The following KBTBD2 variants were observed in gnomAD, a reference collection of about 807,000 sequenced individuals.
KBTBD2 encodes kelch repeat and BTB domain-containing protein 2.
KBTBD2 carries 17 observed loss-of-function variants against 57.1 expected under a neutral mutation model. The observed-to-expected ratio is 0.30, with a 90% CI of 0.20 to 0.45. The LOEUF (loss-of-function observed/expected upper bound fraction) is 0.45, where lower values mean the gene tolerates loss of function less well. Ranked by LOEUF, KBTBD2 falls within the 20% of genes least tolerant of loss-of-function variation. The probability of loss-of-function intolerance (pLI) is 1.00; values close to 1 mark genes in which losing one functional copy is unlikely to be tolerated. For synonymous variants in KBTBD2, 267 were observed against 262.7 expected (o/e 1.02, Z -0.16); for missense variants, 515 against 750.6 (o/e 0.69, Z 3.67).
chr7:32,879,332 A>G (rs771281288), intron 2 of KBTBD2, 103 bp downstream of exon 2: 3 of 768,278 alleles, frequency 3.9e-6, no homozygotes, highest in Non-Finnish European at 6.2e-6. Context: ...TCATCTGAAT[A>G]GAAACCTTAA....
At chr7:32,884,998 A>ATG (rs761792649) in intron 1 of KBTBD2, among the ~76,000 whole-genome samples, 2,482 of 79,116 alleles carry the variant, frequency 0.031, 56 homozygotes, top group South Asian at 0.055. Context: ...ATACACATAT[A>ATG]TGTGTATATA....
Position 32,868,851 on chromosome 7 carries a change from CTAGAG to C in KBTBD2, c.*489_*493del, listed in dbSNP as rs1784092630. ...TAAAATTATGGAAGATCTTCCTCAACTAGAGTATAGGATTTAGACATTTCTATACC... is the reference window on the plus strand; with the variant it reads ...TAAAATTATGGAAGATCTTCCTCAACTATAGGATTTAGACATTTCTATACC... On this transcript the variant is annotated 3_prime_UTR_variant, in exon 4 of 4. Transcript: ENST00000304056. 1 of 154,560 alleles carries C rather than the reference CTAGAG, an allele frequency of 6.5e-6. No individual in the cohort carries two copies. Among genetic ancestry groups the C allele is most frequent in the African/African-American group, 2.4e-5 (1 of 41,470 alleles). 9.6% of individuals were successfully genotyped at this position (154,560 alleles called of 1,614,324 possible). A position where few individuals can be genotyped will look rare whatever the true frequency, so the allele number is the denominator to read the frequency against.
In KBTBD2 at chr7:32,869,566, T is replaced by C; in HGVS notation, c.1651A>G (p.Thr551Ala). The C allele has an allele frequency of 2.5e-6, 4 of 1,614,174 alleles. No individual in the cohort carries two copies. The highest frequency in any genetic ancestry group is 3.4e-6 in the Non-Finnish European group (4 of 1,180,030). The change falls in exon 4 of 4, where the codon ACC becomes GCC. Residue 551 changes from threonine to alanine, a missense_variant. Transcript: ENST00000304056. ...THLNERAKYV[T>A]YQYDLELDRW... The stretch of plus-strand genomic sequence containing the variant: ...TCAAGTTCCAGGTCATATTGGTAGG[T>C]GACGTATTTAGCTCGCTCATTTAAG...
At chr7:32,872,098 T>C (rs1784193044) in intron 3 of KBTBD2, among the ~76,000 whole-genome samples, 1 of 151,958 alleles carries the variant, frequency 6.6e-6, no homozygotes, top group South Asian at 2.1e-4. Flanking sequence ...CACTTTGGGA[T>C]TACAGGGAGG....
chr7:32,884,950 TTATATA>T (rs138179213), intron 1 of KBTBD2, among the ~76,000 whole-genome samples: 1 of 144,758 alleles, frequency 6.9e-6, no homozygotes, highest in African/African-American at 2.7e-5. Flanking sequence ...TATATTTCTT[TTATATA>T]TATATGTGTG....
Position 32,870,829 on chromosome 7 carries a change from C to A in KBTBD2, c.388G>T (p.Ala130Ser). The A allele has an allele frequency of 5.6e-6, 9 of 1,599,032 alleles. No individual in the cohort carries two copies. The highest frequency in any genetic ancestry group is 7.7e-6 in the Non-Finnish European group (9 of 1,176,088). The change falls in exon 4 of 4, where the codon GCA becomes TCA. Residue 130 changes from alanine to serine, a missense_variant. Physicochemically the swap from Ala to Ser is moderately conservative, Grantham distance 99. Coordinates refer to ENST00000304056, the MANE Select transcript of KBTBD2 (RefSeq NM_015483.3). ...CTCAACAATCGTACACAATTCTCTGCATTTATTTTTTTAATTAAATATTCT... is the reference window on the plus strand; with the variant it reads ...CTCAACAATCGTACACAATTCTCTGAATTTATTTTTTTAATTAAATATTCT... ...CREYLIKKINAENCVRLLSFA... is the reference protein window; with the variant it reads ...CREYLIKKINSENCVRLLSFA...
intron 2 of KBTBD2, among the ~76,000 whole-genome samples, chr7:32,878,314 C>T (rs575145383): frequency 5.3e-5 from 8 of 152,034 alleles, no homozygotes; most frequent in Non-Finnish European, 8.8e-5. Context: ...TGCGCAGTGG[C>T]TCACGCCTGT....
chr7:32,872,566 T>TA (rs975475027), intron 3 of KBTBD2, among the ~76,000 whole-genome samples: 3 of 152,094 alleles, frequency 2.0e-5, no homozygotes, highest in Admixed American at 6.5e-5. Context: ...CAGACCCAGC[T>TA]ACTCAGGAGG....
At chr7:32,884,264 G>A (rs1220955781) in intron 1 of KBTBD2, among the ~76,000 whole-genome samples, 1 of 152,024 alleles carries the variant, frequency 6.6e-6, no homozygotes, top group East Asian at 1.9e-4. Flanking sequence ...TGTACTCCCA[G>A]CACTTTGGGA....
Position 32,870,306 on chromosome 7 carries a change from T to G in KBTBD2, c.911A>C (p.Asp304Ala), listed in dbSNP as rs1333194172. 6.2e-7 allele frequency: 1 copy of G among 1,614,128 alleles called. No homozygotes were observed. ...TACAACGGTCCCAACCTTATGCAAATCAGCTGGTGGGCTACATAACTTGTA... is the reference window on the plus strand; with the variant it reads ...TACAACGGTCCCAACCTTATGCAAAGCAGCTGGTGGGCTACATAACTTGTA... ...KVYKLCSPPADLHKVGTVVTP... is the reference protein window; with the variant it reads ...KVYKLCSPPAALHKVGTVVTP... Residue 304 changes from aspartate (D) to alanine (A), a missense_variant, in exon 4 of 4, where the codon GAT (aspartate) becomes GCT (alanine). By Grantham distance (126) the Asp-to-Ala change is moderately radical. Coordinates refer to ENST00000304056, the MANE Select transcript of KBTBD2 (RefSeq NM_015483.3).
chr7:32,872,792 A>AT (rs1384683391), intron 3 of KBTBD2, among the ~76,000 whole-genome samples: 1 of 152,352 alleles, frequency 6.6e-6, no homozygotes, highest in Non-Finnish European at 1.5e-5. Flanking sequence ...CAGAGTCTAG[A>AT]TTTTTAGATT....
intron 2 of KBTBD2, 100 bp from the exon 3 acceptor site, chr7:32,875,257 T>C (rs931055642): frequency 5.6e-6 from 6 of 1,080,906 alleles, no homozygotes; most frequent in Non-Finnish European, 8.2e-6. Flanking sequence ...TTATTTAGGG[T>C]ATTTACTTAT....
intron 1 of KBTBD2, among the ~76,000 whole-genome samples, chr7:32,889,267 G>A (rs1784666785): frequency 6.6e-6 from 1 of 151,034 alleles, no homozygotes; most frequent in South Asian, 2.1e-4. Context: ...CTCCAGCCTG[G>A]GCGACACAGC....
intron 1 of KBTBD2, among the ~76,000 whole-genome samples, chr7:32,888,952 T>C (rs1784655598): frequency 6.6e-6 from 1 of 152,222 alleles, no homozygotes; most frequent in Admixed American, 6.5e-5. Context: ...ATGAGTATAC[T>C]ATGTCCTTTT....
intron 1 of KBTBD2, among the ~76,000 whole-genome samples, chr7:32,885,912 TTTTTTTTTTTTTTAAAGACAGAGTCTCG>T (rs1784569584): frequency 6.7e-6 from 1 of 149,894 alleles, no homozygotes; most frequent in Non-Finnish European, 1.5e-5. Context: ...CTACACACTT[TTTTTTTTTTTTTTAAAGACAGAGTCTCG>T]CTCTGTCGCC....
intron 1 of KBTBD2, chr7:32,891,259 C>A (rs1784730789): frequency 6.7e-6 from 1 of 149,626 alleles, no homozygotes; most frequent in South Asian, 2.1e-4. Context: ...CCGGAAACGC[C>A]CAGCTAGCGG....
intron 2 of KBTBD2, among the ~76,000 whole-genome samples, chr7:32,876,932 G>C (rs559925862): frequency 2.0e-5 from 3 of 151,960 alleles, no homozygotes; most frequent in Non-Finnish European, 4.4e-5. Context: ...ACTCCAACCC[G>C]GGCAACAAAA....
intron 1 of KBTBD2, among the ~76,000 whole-genome samples, chr7:32,880,552 A>AT (rs1000534939): frequency 2.1e-5 from 3 of 145,736 alleles, no homozygotes; most frequent in African/African-American, 8.2e-5. Context: ...ATTTTACTTA[A>AT]AAAAAAAAAA....
Position 32,870,126 on chromosome 7 carries a change from G to GTCTT in KBTBD2, c.1087_1090dup (p.Thr364LysfsTer17). ...CTTTATGCGGACAAAAAGCATTGGG[G>GTCTT]TCTTTGGAAACCAGGTATTTTGCTG... On this transcript the variant is annotated frameshift_variant, in exon 4 of 4. Transcript: ENST00000304056. LOFTEE classifies it high-confidence loss of function. The GTCTT allele has an allele frequency of 6.2e-7, 1 of 1,614,178 alleles. No homozygotes were observed.
Sources: gnomAD v4.1 joint callset for allele counts (sites outside exome capture counted in the v4.1 genomes callset) on GRCh38, gnomAD v4.1.1 for gene constraint, MANE v1.5 for transcripts, NCBI Gene and HGNC (gene_info 2026-07-23, HGNC 2026-07-21) for gene names.